The following CBX3 variants were observed in gnomAD, a reference collection of about 807,000 sequenced individuals.
CBX3 encodes chromobox 3, also known as chromobox protein homolog 3.
A neutral mutation model predicts 22.6 loss-of-function variants in CBX3; 5 were observed. The observed-to-expected ratio is 0.22, with a 90% CI of 0.12 to 0.47. The LOEUF (loss-of-function observed/expected upper bound fraction) is 0.47. Ranked by LOEUF, CBX3 falls within the 20% of genes least tolerant of loss-of-function variation. CBX3 has a pLI of 0.99. For missense variants in CBX3, 83 were observed against 208.1 expected, an observed-to-expected ratio of 0.40 and a Z score of 3.70; for synonymous variants, 50 against 66.6, an observed-to-expected ratio of 0.75 and a Z score of 1.21.
chr7:26,208,626 GT>G, intron 4 of CBX3, 71 bp downstream of exon 4: 1 of 1,450,714 alleles, frequency 6.9e-7, no homozygotes, highest in Admixed American at 2.0e-5. Flanking sequence ...TTTTTTGTTT[GT>G]TTGTTTTTTT....
At chr7:26,211,278 G>T (rs958711437) in intron 4 of CBX3, among the ~76,000 whole-genome samples, 2 of 152,056 alleles carry the variant, frequency 1.3e-5, no homozygotes, top group Non-Finnish European at 2.9e-5. Flanking sequence ...TTTTGTTTAT[G>T]CTTTTAAAAT....
chr7:26,209,240 T>C (rs1335069823), intron 4 of CBX3, among the ~76,000 whole-genome samples: 1 of 152,168 alleles, frequency 6.6e-6, no homozygotes, highest in African/African-American at 2.4e-5. Context: ...AAAATTCAGA[T>C]ACTTTTATAA....
chr7:26,203,132 G>A (rs575065667), intron 2 of CBX3, 110 bp downstream of exon 2: 1 of 698,946 alleles, frequency 1.4e-6, no homozygotes, highest in Admixed American at 2.6e-5. Context: ...ATATTTCCCA[G>A]CTCTCCCAGT....
chr7:26,208,916 C>CCTT (rs1562747290), intron 4 of CBX3, among the ~76,000 whole-genome samples: 1 of 61,144 alleles, frequency 1.6e-5, no homozygotes, highest in Non-Finnish European at 2.8e-5. Flanking sequence ...CCACGCCTGG[C>CCTT]CTTTTTTTTT....
chr7:26,204,807 G>C (rs148042933), intron 2 of CBX3, among the ~76,000 whole-genome samples: 1 of 152,056 alleles, frequency 6.6e-6, no homozygotes, highest in African/African-American at 2.4e-5. Flanking sequence ...GTGTTTTTTT[G>C]AGACAGAGTT....
intron 1 of CBX3, 181 bp from the exon 2 acceptor site, chr7:26,202,790 T>C: frequency 1.7e-6 from 1 of 588,756 alleles, no homozygotes. Flanking sequence ...ACTCACATGG[T>C]TAGGACACGT....
rs1784821733 is a variant in CBX3 at position 26,212,374 on chromosome 7, A to G, written c.*166A>G. 3.2e-6 allele frequency: 1 copy of G among 315,236 alleles called. No homozygotes were observed. The highest frequency in any genetic ancestry group is 6.8e-5 in the East Asian group (1 of 14,706). The allele number at this position is 315,236 out of a possible 1,614,324, so 19.5% of individuals were successfully genotyped here. ...GAGTTGTTGGGGGTTTTTTGCATCC[A>G]TAGCACTGGTTACTTTGAACAAATA... On this transcript the variant is annotated 3_prime_UTR_variant, in exon 6 of 6. Coordinates refer to ENST00000396386, the MANE Select transcript of CBX3 (RefSeq NM_016587.4).
intron 2 of CBX3, 133 bp from the exon 3 acceptor site, chr7:26,206,235 A>G: frequency 1.7e-6 from 1 of 605,180 alleles, no homozygotes; most frequent in Non-Finnish European, 2.9e-6. Flanking sequence ...TAATCTTTCC[A>G]GAAGGTGTCT....
In CBX3 at chr7:26,202,954, G is replaced by T; in HGVS notation, c.-28-17G>T. On this transcript the variant is annotated splice_polypyrimidine_tract_variant and intron_variant, in intron 1 of 5. Coordinates refer to ENST00000396386, the MANE Select transcript of CBX3 (RefSeq NM_016587.4). ...TGTGTCATGCAAACTTACCTTAACT[G>T]TCATGCATTTTTCTAGTAATAGCTC... The T allele has an allele frequency of 6.6e-7, 1 of 1,522,572 alleles. No homozygotes were observed. 94.3% of individuals were successfully genotyped at this position (1,522,572 alleles called of 1,614,324 possible). A position where few individuals can be genotyped will look rare whatever the true frequency, so the allele number is the denominator to read the frequency against.
At chr7:26,208,605 G>T in intron 4 of CBX3, 50 bp downstream of exon 4, 1 of 1,502,250 alleles carries the variant, frequency 6.7e-7, no homozygotes. Flanking sequence ...AAAGGTTGAT[G>T]GCTTGATTTC....
intron 1 of CBX3, chr7:26,202,361 C>G (rs1784524720): frequency 6.6e-6 from 1 of 152,414 alleles, no homozygotes; most frequent in Non-Finnish European, 1.5e-5. Context: ...GCGCTGACCA[C>G]GAGGCCCGCG....
rs1318508550 is a variant in CBX3, at chr7:26,212,806, T to A, written c.*598T>A. ...ATAAGTAATTCTAGATAGGACAATT[T>A]AAATTGGATAATTTTAAAGTGTCTA... On this transcript the variant is annotated 3_prime_UTR_variant, in exon 6 of 6. Transcript: ENST00000396386. 1 of 152,286 alleles carries A rather than the reference T, an allele frequency of 6.6e-6. No individual in the cohort carries two copies. Among genetic ancestry groups the A allele is most frequent in the Non-Finnish European group, 1.5e-5 (1 of 68,054 alleles). 9.4% of individuals were successfully genotyped at this position (152,286 alleles called of 1,614,324 possible). A position where few individuals can be genotyped will look rare whatever the true frequency, so the allele number is the denominator to read the frequency against.
chr7:26,211,078 TAAAAA>T (rs74744309), intron 4 of CBX3, among the ~76,000 whole-genome samples: 8 of 106,704 alleles, frequency 7.5e-5, no homozygotes, highest in African/African-American at 1.7e-4. Flanking sequence ...GCTGATGAGC[TAAAAA>T]AAAAAAAAAA....
Position 26,203,005 on chromosome 7 carries a change from T to A in CBX3, c.7T>A (p.Ser3Thr), listed in dbSNP as rs1203755418. The change falls in exon 2 of 6, where the codon TCC (serine) becomes ACC (threonine). Residue 3 changes from serine to threonine, a missense_variant. Around this residue, in one of 3 missense-constraint regions of CBX3, gnomAD observed 24 missense variants for 25.1 expected, o/e 0.96. Coordinates refer to ENST00000396386, the MANE Select transcript of CBX3 (RefSeq NM_016587.4). The stretch of plus-strand genomic sequence containing the variant: ...TTCAAGTCTGCAATAAAAAATGGCC[T>A]CCAACAAAACTACATTGGTAAGTTA... MA[S>T]NKTTLQKMGK... 1.9e-6 allele frequency: 3 copies of A among 1,609,388 alleles called. No homozygotes were observed. The highest frequency in any genetic ancestry group is 2.7e-5 in the African/African-American group (2 of 74,940).
Position 26,208,472 on chromosome 7 carries a change from G to A in CBX3, c.247G>A (p.Gly83Ser), listed in dbSNP as rs1231189879. The part of the protein sequence containing the change: ...IEAFLNSQKA[G>S]KEKDGTKRKS... ...AGCGTTTCTTAACTCTCAGAAAGCT[G>A]GCAAAGAAAAAGATGGTACAAAAAG... The change falls in exon 4 of 6, where the codon GGC becomes AGC. Residue 83 changes from glycine (G) to serine (S), a missense_variant. Physicochemically the swap from Gly to Ser is moderately conservative, Grantham distance 56. Transcript: ENST00000396386. 6.2e-7 allele frequency: 1 copy of A among 1,613,634 alleles called. No homozygotes were observed. The highest frequency in any genetic ancestry group is 8.5e-7 in the Non-Finnish European group (1 of 1,179,850).
rs1380446225 is a variant in CBX3 at position 26,202,988 on chromosome 7, T to C, written c.-11T>C. The C allele has an allele frequency of 6.2e-7, 1 of 1,606,806 alleles. No individual in the cohort carries two copies. Among genetic ancestry groups the C allele is most frequent in the South Asian group, 1.1e-5 (1 of 90,888 alleles). ...TTTTCTAGTAATAGCTCTTCAAGTCTGCAATAAAAAATGGCCTCCAACAAA... is the reference window on the plus strand; with the variant it reads ...TTTTCTAGTAATAGCTCTTCAAGTCCGCAATAAAAAATGGCCTCCAACAAA... On this transcript the variant is annotated 5_prime_UTR_variant, in exon 2 of 6. Coordinates refer to ENST00000396386, the MANE Select transcript of CBX3 (RefSeq NM_016587.4).
rs1562746720 is a variant in CBX3 at position 26,208,376 on chromosome 7, T to TA, written c.168-15dup. On this transcript the variant is annotated splice_polypyrimidine_tract_variant and intron_variant, in intron 3 of 5. Transcript: ENST00000396386. ...TTAATTCAATCACCTTTTTTTTTTT[T>TA]AATAAACTAAACACAGTGCTGACAA... 75 of 1,535,124 alleles carry TA rather than the reference T, an allele frequency of 4.9e-5. No individual in the cohort carries two copies. Among genetic ancestry groups the TA allele is most frequent in the Non-Finnish European group, 6.5e-5 (74 of 1,134,324 alleles).
Position 26,206,518 on chromosome 7 carries a change from A to G in CBX3, c.167+8A>G. ...GTGGAAGGGATTTACAGAGTAAGAA[A>G]CTTTAGTGCATCTTTACTATATGTT... On this transcript the variant is annotated splice_region_variant and intron_variant, in intron 3 of 5. Transcript: ENST00000396386. 1 of 1,612,206 alleles carries G rather than the reference A, an allele frequency of 6.2e-7. No homozygotes were observed. The highest frequency in any genetic ancestry group is 8.5e-7 in the Non-Finnish European group (1 of 1,179,112).
chr7:26,205,198 A>G (rs999511089), intron 2 of CBX3, among the ~76,000 whole-genome samples: 3 of 152,128 alleles, frequency 2.0e-5, no homozygotes, highest in African/African-American at 7.2e-5. Flanking sequence ...TCCTCTCATA[A>G]AAATTTTCCC....
Sources: allele counts gnomAD v4.1 joint callset (sites outside exome capture counted in the v4.1 genomes callset), GRCh38; gene constraint gnomAD v4.1.1; regional missense constraint gnomAD v4.1.1; transcripts MANE v1.5; gene names NCBI Gene and HGNC (gene_info 2026-07-23, HGNC 2026-07-21).